CDC42BPA: variants seen among roughly 807,000 people sequenced by gnomAD.
CDC42BPA encodes serine/threonine-protein kinase MRCK alpha.
Under a neutral mutation model 223.5 loss-of-function variants are expected in CDC42BPA, and 80 were observed. The ratio of observed to expected loss-of-function variants is 0.36; its 90% CI spans 0.30 to 0.43. The LOEUF (loss-of-function observed/expected upper bound fraction) is 0.43. CDC42BPA is among the 20% of genes least tolerant of loss of function. CDC42BPA has a pLI of 1.00. For missense variants in CDC42BPA, 1,743 were observed against 2,099.9 expected (o/e 0.83, Z 3.32); for synonymous variants, 694 against 718.6 (o/e 0.97, Z 0.55).
In CDC42BPA at chr1:227,113,348, G is replaced by C. The variant is rs150459677; in HGVS notation, c.1648-435C>G. Among the ~76,000 whole-genome samples the C allele has an allele frequency of 3.3e-5, 5 of 152,356 alleles. No homozygotes were observed. The East Asian group carries it at 9.6e-4, about 29-fold the overall frequency. On this transcript the variant is annotated intron_variant, in intron 12 of 36. Coordinates refer to ENST00000366766, the MANE Select transcript of CDC42BPA (RefSeq NM_001394014.1). ...CTCCCTAATTAAAATGAGAAACTTA[G>C]AGGAGAGCTAAAGTGGACTCAGGGC...
intron 2 of CDC42BPA, among the ~76,000 whole-genome samples, chr1:227,237,162 T>C (rs1007390223): frequency 2.0e-5 from 3 of 152,206 alleles, no homozygotes; most frequent in African/African-American, 7.2e-5. Context: ...ATGGTCCTTC[T>C]TCTTCTATTA....
chr1:227,046,636 C>T (rs1672509210), intron 23 of CDC42BPA, among the ~76,000 whole-genome samples: 1 of 151,982 alleles, frequency 6.6e-6, no homozygotes, highest in Admixed American at 6.5e-5. Flanking sequence ...TGAATCAATT[C>T]TCTAATTTAC....
chr1:227,027,448 C>T (rs1668473469), intron 30 of CDC42BPA, among the ~76,000 whole-genome samples: 1 of 152,156 alleles, frequency 6.6e-6, no homozygotes, highest in African/African-American at 2.4e-5. Flanking sequence ...ATTCTTGCAC[C>T]TGTCTTCTGA....
intron 3 of CDC42BPA, among the ~76,000 whole-genome samples, chr1:227,202,997 T>C (rs977310461): frequency 6.6e-6 from 1 of 152,116 alleles, no homozygotes; most frequent in African/African-American, 2.4e-5. Context: ...TTCAAACGTA[T>C]ACAAGGGTAG....
At chr1:227,254,447 T>C (rs952537915) in intron 1 of CDC42BPA, among the ~76,000 whole-genome samples, 1 of 152,080 alleles carries the variant, frequency 6.6e-6, no homozygotes, top group African/African-American at 2.4e-5. Flanking sequence ...ATGAGACCAG[T>C]TTTAACATTC....
chr1:227,056,898 C>A (rs1431532520), intron 21 of CDC42BPA, among the ~76,000 whole-genome samples: 1 of 152,126 alleles, frequency 6.6e-6, no homozygotes, highest in Non-Finnish European at 1.5e-5. Context: ...CATTTTATTG[C>A]GCTAGAACAA....
chr1:227,047,939 G>T lies in CDC42BPA; in HGVS notation c.3081C>A (p.Gly1027=), dbSNP rs1200426540. 1.2e-6 allele frequency: 2 copies of T among 1,605,334 alleles called. No individual in the cohort carries two copies. The highest frequency in any genetic ancestry group is 8.5e-7 in the Non-Finnish European group (1 of 1,172,644). Residue 1027 remains glycine, a synonymous_variant, in exon 23 of 37, where the codon GGC becomes GGA. Coordinates refer to ENST00000366766, the MANE Select transcript of CDC42BPA (RefSeq NM_001394014.1). Reference sequence around the variant, plus strand: ...CTAGATTGAGTACCTTAGGTGGAAAGCCAGTTGAACCAGGACATCCTTTTT... The same window carrying T: ...CTAGATTGAGTACCTTAGGTGGAAATCCAGTTGAACCAGGACATCCTTTTT... ...LRKKGCPGST[G]FPPKRKTHQF...
chr1:227,182,794 C>T (rs979905775), intron 5 of CDC42BPA: 1 of 152,188 alleles, frequency 6.6e-6, no homozygotes, highest in East Asian at 1.9e-4. Flanking sequence ...GACCCACCCT[C>T]AATGTGGGCA....
intron 4 of CDC42BPA, among the ~76,000 whole-genome samples, chr1:227,197,969 T>C (rs933663264): frequency 2.0e-5 from 3 of 152,202 alleles, no homozygotes; most frequent in African/African-American, 4.8e-5. Context: ...TTAACAACTA[T>C]GCATCTAGCA....
chr1:227,181,246 G>A (rs552613599), intron 5 of CDC42BPA, among the ~76,000 whole-genome samples: 24 of 152,056 alleles, frequency 1.6e-4, no homozygotes, highest in African/African-American at 4.6e-4. Flanking sequence ...TGCCAAAATA[G>A]TATTTCAATT....
chr1:227,038,501 G>GA (rs1212580422), intron 24 of CDC42BPA, among the ~76,000 whole-genome samples: 1 of 152,164 alleles, frequency 6.6e-6, no homozygotes, highest in Admixed American at 6.5e-5. Flanking sequence ...ATTTGCCAGG[G>GA]AAAAAATTAA....
chr1:227,229,519 A>G (rs1677444418), intron 2 of CDC42BPA, among the ~76,000 whole-genome samples: 1 of 152,188 alleles, frequency 6.6e-6, no homozygotes, highest in Non-Finnish European at 1.5e-5. Context: ...AAATTTTAAA[A>G]TCAGCTTGTC....
At position 227,059,457 on chromosome 1, in the gene CDC42BPA, A is replaced by G. The variant is rs544151988; in HGVS notation, c.2905-7472T>C. ...TAGGACATGTTACAAATATTTACAC[A>G]CATAAGACTCTCAAGGACTACTATT... On this transcript the variant is annotated intron_variant, in intron 21 of 36. Transcript: ENST00000366766. 24 of 1,484,052 alleles carry G rather than the reference A, an allele frequency of 1.6e-5. No individual in the cohort carries two copies. In the Admixed American group the frequency reaches 3.5e-4, roughly 22 times the overall value. 91.9% of individuals were successfully genotyped at this position (1,484,052 alleles called of 1,614,324 possible).
At chr1:227,050,964 TGC>T (rs1558379793) in intron 22 of CDC42BPA, among the ~76,000 whole-genome samples, 2 of 152,328 alleles carry the variant, frequency 1.3e-5, no homozygotes, top group East Asian at 3.9e-4. Flanking sequence ...ATTCTCTGAA[TGC>T]TTGAAATATT....
chr1:227,276,798 CAT>C (rs1002332893), intron 1 of CDC42BPA, among the ~76,000 whole-genome samples: 44 of 152,168 alleles, frequency 2.9e-4, no homozygotes, highest in African/African-American at 1.0e-3. Context: ...CTCTCTGAAA[CAT>C]GTGCTGTGTC....
At chr1:227,113,382 T>C (rs895943589) in intron 12 of CDC42BPA, among the ~76,000 whole-genome samples, 3 of 152,208 alleles carry the variant, frequency 2.0e-5, no homozygotes, top group Non-Finnish European at 4.4e-5. Context: ...GCAGTACCAC[T>C]ACCTGCCTCC....
intron 3 of CDC42BPA, among the ~76,000 whole-genome samples, chr1:227,201,422 C>T (rs911808259): frequency 1.3e-5 from 2 of 152,146 alleles, no homozygotes; most frequent in Admixed American, 6.6e-5. Flanking sequence ...GGACTACAGG[C>T]ATGAGCTACC....
At chr1:227,025,404 G>C (rs1156555853) in intron 31 of CDC42BPA, among the ~76,000 whole-genome samples, 1 of 152,060 alleles carries the variant, frequency 6.6e-6, no homozygotes, top group South Asian at 2.1e-4. Context: ...TTTGAAATAT[G>C]ATCTAAGCTA....
chr1:227,164,408 A>G (rs769367210), intron 5 of CDC42BPA, among the ~76,000 whole-genome samples: 11 of 152,322 alleles, frequency 7.2e-5, no homozygotes, highest in East Asian at 1.9e-4. Context: ...CACTAAACCT[A>G]TAAGTCTTTT....
Sources: allele counts gnomAD v4.1 joint callset (sites outside exome capture counted in the v4.1 genomes callset), GRCh38; gene constraint gnomAD v4.1.1; transcripts MANE v1.5; gene names NCBI Gene and HGNC (gene_info 2026-07-23, HGNC 2026-07-21).